RCN3: variants seen among roughly 807,000 people sequenced by gnomAD.
RCN3 encodes the protein reticulocalbin-3.
Under a neutral mutation model 35.9 loss-of-function variants are expected in RCN3, and 41 were observed. That is an observed-to-expected ratio of 1.14 (90% CI 0.89 to 1.48). RCN3 has a LOEUF of 1.48. Among genes scored for constraint, RCN3 ranks in the 40% most tolerant of loss-of-function variants. RCN3 has a pLI of 0.00. For synonymous variants in RCN3, 187 were observed against 193.4 expected (o/e 0.97, Z 0.27); for missense variants, 451 against 471.3 (o/e 0.96, Z 0.40).
intron 4 of RCN3, among the ~76,000 whole-genome samples, chr19:49,538,403 G>A (rs867901105): frequency 2.0e-5 from 3 of 149,964 alleles, no homozygotes; most frequent in Middle Eastern, 3.4e-3. Flanking sequence ...TCCTGACCTC[G>A]TGATCCACCC....
Position 49,542,920 on chromosome 19 carries a change from A to G in RCN3, c.879+168A>G, listed in dbSNP as rs188815408. On this transcript the variant is annotated intron_variant, in intron 6 of 6. Coordinates refer to ENST00000270645, the MANE Select transcript of RCN3 (RefSeq NM_020650.3). ...AGAGGGCACGGAGCCCCAGAAAGAG[A>G]GGGGGACAGAGACCCAGAGACCCAA... Among the ~76,000 whole-genome samples, 467 of 152,128 alleles carry G rather than the reference A, an allele frequency of 3.1e-3. 1 individual carries two copies. The highest frequency in any genetic ancestry group is 0.011 in the African/African-American group (443 of 41,494).
At chr19:49,541,471 G>A (rs959447136) in intron 5 of RCN3, among the ~76,000 whole-genome samples, 3 of 152,118 alleles carry the variant, frequency 2.0e-5, no homozygotes, top group African/African-American at 7.2e-5. Context: ...AAATTGGGGT[G>A]GGTGCCATGG....
chr19:49,536,002 T>G (rs555274135), intron 3 of RCN3, among the ~76,000 whole-genome samples: 45 of 149,414 alleles, frequency 3.0e-4, no homozygotes, highest in Middle Eastern at 3.6e-3. Context: ...TTTTTTTTTT[T>G]TGTGAGGGAG....
In RCN3 at chr19:49,534,291, T is replaced by C. The variant is rs555967695; in HGVS notation, c.341T>C (p.Ile114Thr). 1 of 1,484,018 alleles carries C rather than the reference T, an allele frequency of 6.7e-7. No homozygotes were observed. Among genetic ancestry groups the C allele is most frequent in the Non-Finnish European group, 8.9e-7 (1 of 1,119,432 alleles). 91.9% of individuals were successfully genotyped at this position (1,484,018 alleles called of 1,614,324 possible). The change falls in exon 3 of 7, where the codon ATA becomes ACA. Residue 114 changes from isoleucine to threonine, a missense_variant. Physicochemically the swap from Ile to Thr is moderately conservative, Grantham distance 89. Transcript: ENST00000270645. The part of the protein sequence containing the change: ...AWIAHTQQRH[I>T]RDSVSAAWDT... ...ATCGCGCACACGCAGCAGCGGCACA[T>C]ACGGGACTCGGTGAGCGCGGCCTGG...
chr19:49,539,718 ATTTTTTTTTTTT>A, intron 5 of RCN3, among the ~76,000 whole-genome samples: 1 of 119,166 alleles, frequency 8.4e-6, no homozygotes, highest in East Asian at 2.4e-4. Flanking sequence ...CTAACAAGGA[ATTTTTTTTTTTT>A]TTTTTTTTTT....
chr19:49,537,062 G>A lies in RCN3; in HGVS notation c.475G>A (p.Glu159Lys). The A allele has an allele frequency of 7.0e-6, 11 of 1,574,972 alleles. No individual in the cohort carries two copies. The highest frequency in any genetic ancestry group is 9.5e-6 in the Non-Finnish European group (11 of 1,157,840). The change falls in exon 4 of 7, where the codon GAG becomes AAG. Residue 159 changes from glutamate to lysine, a missense_variant. Glu to Lys is a moderately conservative substitution (Grantham distance 56). Coordinates refer to ENST00000270645, the MANE Select transcript of RCN3 (RefSeq NM_020650.3). ...AGAATTTCATGACGTGGAGGATGCA[G>A]AGACCTACAAAAAGATGCTGGCTCG... is the stretch of plus-strand genomic sequence containing the variant. The part of the protein sequence containing the change: ...GEEFHDVEDA[E>K]TYKKMLARDE...
chr19:49,540,378 A>G (rs2080157418), intron 5 of RCN3, among the ~76,000 whole-genome samples: 1 of 152,030 alleles, frequency 6.6e-6, no homozygotes. Context: ...TCATACCTGT[A>G]ATCCCAGCAC....
chr19:49,531,404 T>C (rs1266230442), intron 2 of RCN3, among the ~76,000 whole-genome samples: 10 of 152,114 alleles, frequency 6.6e-5, no homozygotes, highest in Non-Finnish European at 1.5e-4. Flanking sequence ...CCTGAGACCA[T>C]GCAAAGGGGG....
chr19:49,534,453 C>T, intron 3 of RCN3, 58 bp downstream of exon 3: 3 of 1,509,424 alleles, frequency 2.0e-6, no homozygotes, highest in Non-Finnish European at 2.7e-6. Flanking sequence ...CCTTCTGGAC[C>T]GCCTCATTCT....
intron 2 of RCN3, among the ~76,000 whole-genome samples, chr19:49,533,521 G>A (rs757420250): frequency 7.2e-5 from 11 of 152,186 alleles, no homozygotes; most frequent in Non-Finnish European, 1.5e-4. Context: ...GCGACAGGGA[G>A]GGGCACAGGA....
Position 49,542,653 on chromosome 19 carries a change from C to A in RCN3, c.780C>A (p.His260Gln), listed in dbSNP as rs756767801. Residue 260 changes from histidine to glutamine, a missense_variant, in exon 6 of 7, where the codon CAC becomes CAA. Coordinates refer to ENST00000270645, the MANE Select transcript of RCN3 (RefSeq NM_020650.3). ...RDFRDLNKDGHLDGSEVGHWV... is the reference protein window; with the variant it reads ...RDFRDLNKDGQLDGSEVGHWV... ...TCCGGGATCTGAACAAGGATGGGCA[C>A]CTGGATGGGAGTGAGGTGGGCCACT... The A allele has an allele frequency of 1.2e-6, 2 of 1,604,154 alleles. No homozygotes were observed. The highest frequency in any genetic ancestry group is 3.5e-5 in the Admixed American group (2 of 57,714).
chr19:49,535,873 T>TATAG (rs1555811317), intron 3 of RCN3, among the ~76,000 whole-genome samples: 2,393 of 144,600 alleles, frequency 0.017, 31 homozygotes, highest in African/African-American at 0.031. Flanking sequence ...TATATATATA[T>TATAG]ATAGATAGAT....
At chr19:49,529,173 T>G (rs2122712068) in intron 2 of RCN3, among the ~76,000 whole-genome samples, 1 of 151,018 alleles carries the variant, frequency 6.6e-6, no homozygotes. Context: ...AAAGTGAGAC[T>G]CCGTCTAAAA....
chr19:49,532,618 C>T (rs1437033600), intron 2 of RCN3, among the ~76,000 whole-genome samples: 1 of 152,166 alleles, frequency 6.6e-6, no homozygotes, highest in East Asian at 1.9e-4. Flanking sequence ...AGGTGATCTG[C>T]CCACTTCGGC....
In RCN3 at chr19:49,538,778, A is replaced by T. The variant is rs138903823; in HGVS notation, c.619-341A>T. Among the ~76,000 whole-genome samples the T allele has an allele frequency of 2.6e-5, 4 of 152,308 alleles. No individual in the cohort carries two copies. In the East Asian group the frequency reaches 7.7e-4, roughly 29 times the overall value. On this transcript the variant is annotated intron_variant, in intron 4 of 6. Transcript: ENST00000270645. ...AGGTAGGTTCTAGGCTCTGCTAAAC[A>T]TAAAGGAGCTTCTCCCCTTGGAGGG...
chr19:49,536,605 A>C (rs538852829), intron 3 of RCN3, among the ~76,000 whole-genome samples: 1 of 146,714 alleles, frequency 6.8e-6, no homozygotes, highest in South Asian at 2.2e-4. Context: ...CAGGCTTCTA[A>C]AATTTTTTTT....
In RCN3 at chr19:49,528,567, G is replaced by T; in HGVS notation, c.95G>T (p.Gly32Val). ...PSPDAGPHGQ[G>V]RVHQAAPLSD... is the part of the protein sequence containing the mutation. ...CCAGACGCAGGCCCTCATGGCCAGG[G>T]GAGGGTGCACCAGGCGGCCCCCCTG... The change falls in exon 2 of 7, where the codon GGG becomes GTG. Residue 32 changes from glycine (G) to valine (V), a missense_variant. By Grantham distance (109) the Gly-to-Val change is moderately radical. Coordinates refer to ENST00000270645, the MANE Select transcript of RCN3 (RefSeq NM_020650.3). 1 of 1,605,100 alleles carries T rather than the reference G, an allele frequency of 6.2e-7. No individual in the cohort carries two copies. Among genetic ancestry groups the T allele is most frequent in the East Asian group, 2.3e-5 (1 of 43,994 alleles).
chr19:49,538,602 G>A (rs144104633), intron 4 of RCN3, among the ~76,000 whole-genome samples: 47 of 152,150 alleles, frequency 3.1e-4, no homozygotes, highest in African/African-American at 1.0e-3. Context: ...GTGAGCCACC[G>A]TGCCCAGCCC....
chr19:49,532,840 T>A (rs1301986742), intron 2 of RCN3, among the ~76,000 whole-genome samples: 2 of 151,958 alleles, frequency 1.3e-5, no homozygotes, highest in Non-Finnish European at 2.9e-5. Flanking sequence ...CATGCCCTGC[T>A]AATTTTTGTA....
Sources: gnomAD v4.1 joint callset for allele counts (sites outside exome capture counted in the v4.1 genomes callset) on GRCh38, gnomAD v4.1.1 for gene constraint, MANE v1.5 for transcripts, NCBI Gene and HGNC (gene_info 2026-07-23, HGNC 2026-07-21) for gene names.